SORBS3: variants seen among roughly 807,000 people sequenced by gnomAD.
The protein encoded by SORBS3 is sorbin and SH3 domain containing 3, also known as vinexin.
SORBS3 carries 69 observed loss-of-function variants against 98.0 expected under a neutral mutation model. That is an observed-to-expected ratio of 0.70 (90% CI 0.58 to 0.86). The LOEUF is 0.86. Ranked by LOEUF, SORBS3 falls within the 40% of genes least tolerant of loss-of-function variation. SORBS3 has a pLI of 0.00. For missense variants in SORBS3, 954 were observed against 908.5 expected (o/e 1.05, Z -0.64); for synonymous variants, 394 against 355.4 (o/e 1.11, Z -1.22).
At chr8:22,571,442 C>G (rs1342042086) in intron 18 of SORBS3, among the ~76,000 whole-genome samples, 2 of 152,212 alleles carry the variant, frequency 1.3e-5, no homozygotes, top group Non-Finnish European at 2.9e-5. Flanking sequence ...AAAGCCGGCC[C>G]AGGCTCCTGA....
chr8:22,566,203 C>T (rs559974217), intron 12 of SORBS3, 142 bp from the exon 13 acceptor site: 2 of 1,132,720 alleles, frequency 1.8e-6, no homozygotes, highest in Non-Finnish European at 1.2e-6. Context: ...AGTAGGACAT[C>T]CTGTGGAGAG....
At chr8:22,551,137 C>A (rs1027932608), upstream of SORBS3, among the ~76,000 whole-genome samples, 1 of 151,084 alleles carries the variant, frequency 6.6e-6, no homozygotes, top group African/African-American at 2.4e-5. The surrounding 1 kb of genome is among the most constrained non-coding windows in gnomAD (Gnocchi z 5.8). Context: ...CCAAAGGGAC[C>A]CCACCCTTAT....
At chr8:22,572,230 CA>C (rs976788296) in intron 19 of SORBS3, 109 bp from the exon 20 acceptor site, 58 of 846,268 alleles carry the variant, frequency 6.9e-5, no homozygotes, top group Non-Finnish European at 1.2e-4. Flanking sequence ...GGAGCTGGAT[CA>C]GGGGCTAGTG....
At chr8:22,569,346 GTTT>G in intron 17 of SORBS3, 73 bp downstream of exon 17, 1 of 1,094,038 alleles carries the variant, frequency 9.1e-7, no homozygotes, top group Non-Finnish European at 1.2e-6. Context: ...ACTAAAAACA[GTTT>G]TTTTTTTTTG....
In SORBS3 at chr8:22,570,896, T is replaced by C. The variant is rs370569980; in HGVS notation, c.1432-14T>C. On this transcript the variant is annotated splice_polypyrimidine_tract_variant and intron_variant, in intron 17 of 20. Transcript: ENST00000240123. ...CCAGGAAGGCCCCACAGACACTGAC[T>C]TTTCCCCCCTCAGGGAGAGCACATC... 29 of 1,574,612 alleles carry C rather than the reference T, an allele frequency of 1.8e-5. No individual in the cohort carries two copies. The South Asian group carries it at 2.6e-4, about 14-fold the overall frequency.
At chr8:22,565,501 C>T in intron 11 of SORBS3, 147 bp downstream of exon 11, 1 of 629,840 alleles carries the variant, frequency 1.6e-6, no homozygotes, top group South Asian at 5.5e-5. Context: ...CCCTCCTGGG[C>T]GCTGGCGGGC....
In SORBS3 at chr8:22,556,897, G is replaced by T. The variant is rs1840193434; in HGVS notation, c.403G>T (p.Ala135Ser). ...CGTGGACGAGAGCGGCATGCCCATT[G>T]CCCCCCGATCCGTGAGTCCAGGGCT... Reference protein sequence around the residue: ...GPVDESGMPIAPRSSVDRPRD... With the variant: ...GPVDESGMPISPRSSVDRPRD... The change falls in exon 4 of 21, where the codon GCC (alanine) becomes TCC (serine). Residue 135 changes from alanine to serine, a missense_variant. Physicochemically the swap from Ala to Ser is moderately conservative, Grantham distance 99. Coordinates refer to ENST00000240123, the MANE Select transcript of SORBS3 (RefSeq NM_005775.5). The T allele has an allele frequency of 1.2e-6, 2 of 1,612,632 alleles. No individual in the cohort carries two copies. Among genetic ancestry groups the T allele is most frequent in the African/African-American group, 2.7e-5 (2 of 74,928 alleles).
Position 22,554,322 on chromosome 8 carries a change from T to G in SORBS3, c.-55-130T>G. The G allele has an allele frequency of 7.3e-5, 70 of 959,402 alleles. No individual in the cohort carries two copies. The highest frequency in any genetic ancestry group is 8.8e-5 in the Non-Finnish European group (60 of 681,278). 59.4% of individuals were successfully genotyped at this position (959,402 alleles called of 1,614,324 possible). On this transcript the variant is annotated intron_variant, in intron 1 of 20. Transcript: ENST00000240123. The surrounding 1 kb of genome is among the most constrained non-coding windows in gnomAD (Gnocchi z 6.5). ...TGGCGTGGCCTGTTTCCTGGGTCCT[T>G]GAGCTAGTACCCAGCTGGTCCTGAC...
rs1840420896 is a variant in SORBS3 at position 22,566,384 on chromosome 8, T to C, written c.990T>C (p.Pro330=). The part of the protein sequence containing the change: ...SAWSSSYPHA[P]YLGSARSLSP... The stretch of plus-strand genomic sequence containing the variant: ...GGAGCTCCAGCTACCCACATGCACC[T>C]TACCTGGGTTCCGCCCGGTCCCTGA... The change falls in exon 13 of 21, where the codon CCT becomes CCC. Residue 330 remains proline (P), a synonymous_variant. Transcript: ENST00000240123. 2 of 1,613,908 alleles carry C rather than the reference T, an allele frequency of 1.2e-6. No homozygotes were observed. The highest frequency in any genetic ancestry group is 1.7e-5 in the Admixed American group (1 of 60,002).
chr8:22,574,243 C>T (rs1304831572), intron 20 of SORBS3, among the ~76,000 whole-genome samples: 1 of 152,212 alleles, frequency 6.6e-6, no homozygotes, highest in African/African-American at 2.4e-5. Flanking sequence ...CCCAAGCTTA[C>T]TCCTAAGCGT....
At chr8:22,555,554 C>T (rs1192136557) in intron 3 of SORBS3, among the ~76,000 whole-genome samples, 1 of 150,804 alleles carries the variant, frequency 6.6e-6, no homozygotes, top group Non-Finnish European at 1.5e-5. Flanking sequence ...AAGACCCTGT[C>T]TCTATCAGCC....
At position 22,556,869 on chromosome 8, in the gene SORBS3, G is replaced by A. The variant is rs575294896; in HGVS notation, c.375G>A (p.Gly125=). 8 of 1,613,358 alleles carry A rather than the reference G, an allele frequency of 5.0e-6. No individual in the cohort carries two copies. In the South Asian group the frequency reaches 7.7e-5, roughly 15 times the overall value. The change falls in exon 4 of 21, where the codon GGG becomes GGA. Residue 125 remains glycine (G), a synonymous_variant. Transcript: ENST00000240123. ...DKRWVKYEGI[G]PVDESGMPIA... ...GCTGGGTCAAGTACGAGGGAATCGG[G>A]CCCGTGGACGAGAGCGGCATGCCCA... is the stretch of plus-strand genomic sequence containing the variant.
In SORBS3 at chr8:22,571,232, C is replaced by T; in HGVS notation, c.1743+11C>T. Reference sequence around the variant, plus strand: ...AGACCCCAGACCCAGGTGAGGTAGCCTGCCTCCACCAGAGAGTCGACCTCC... The same window carrying T: ...AGACCCCAGACCCAGGTGAGGTAGCTTGCCTCCACCAGAGAGTCGACCTCC... On this transcript the variant is annotated intron_variant, in intron 18 of 20. Transcript: ENST00000240123. The T allele has an allele frequency of 6.6e-7, 1 of 1,514,118 alleles. No individual in the cohort carries two copies. Among genetic ancestry groups the T allele is most frequent in the Non-Finnish European group, 8.8e-7 (1 of 1,131,000 alleles). The allele number at this position is 1,514,118 out of a possible 1,614,324, so 93.8% of individuals were successfully genotyped here. A position where few individuals can be genotyped will look rare whatever the true frequency, so the allele number is the denominator to read the frequency against.
chr8:22,568,999 G>T, intron 16 of SORBS3, 149 bp from the exon 17 acceptor site: 5 of 720,614 alleles, frequency 6.9e-6, no homozygotes, highest in Non-Finnish European at 1.0e-5. Flanking sequence ...GTGCCCACCC[G>T]TGGCTGCCCC....
At position 22,575,228 on chromosome 8, in the gene SORBS3, G is replaced by C. The variant is rs367730865; in HGVS notation, c.*500G>C. The stretch of plus-strand genomic sequence containing the variant: ...TCTGGCCTCCAGCTGGGTGTGGGGG[G>C]GCGGAGCAAGGCGGGGGACAGACGC... On this transcript the variant is annotated 3_prime_UTR_variant, in exon 21 of 21. Transcript: ENST00000240123. 6.6e-5 allele frequency: 21 copies of C among 318,062 alleles called. No homozygotes were observed. In the East Asian group the frequency reaches 1.4e-3, roughly 21 times the overall value. The allele number at this position is 318,062 out of a possible 1,614,324, so 19.7% of individuals were successfully genotyped here.
chr8:22,552,781 A>G (rs1470769937), intron 1 of SORBS3, among the ~76,000 whole-genome samples: 1 of 152,222 alleles, frequency 6.6e-6, no homozygotes, highest in East Asian at 1.9e-4. Flanking sequence ...GACCAGCTCC[A>G]GGTCTCCTGA....
upstream of SORBS3, chr8:22,551,577 T>C (rs192398424): frequency 0.013 from 2,908 of 224,764 alleles, 110 homozygotes; most frequent in African/African-American, 0.064. The surrounding 1 kb of genome is among the most constrained non-coding windows in gnomAD (Gnocchi z 5.8). Context: ...AGCCCTGCGG[T>C]AGGGGCCGGG....
At chr8:22,552,525 G>A (rs1406886339) in intron 1 of SORBS3, among the ~76,000 whole-genome samples, 1 of 152,204 alleles carries the variant, frequency 6.6e-6, no homozygotes, top group Non-Finnish European at 1.5e-5. Context: ...TGTGGTGGGG[G>A]GCGACACAAG....
Position 22,573,517 on chromosome 8 carries a change from G to C in SORBS3, c.1954+1071G>C, listed in dbSNP as rs1386211823. ...CCTCAGTTGCACAGGCACATCTCAA[G>C]TGCCCAACAGCCACAGGTGGCGAGT... On this transcript the variant is annotated intron_variant, in intron 20 of 20. Transcript: ENST00000240123. The C allele has an allele frequency of 7.0e-6, 3 of 430,448 alleles. 1 individual carries two copies. The highest frequency in any genetic ancestry group is 4.9e-5 in the South Asian group (3 of 61,600). 26.7% of individuals were successfully genotyped at this position (430,448 alleles called of 1,614,324 possible). A position where few individuals can be genotyped will look rare whatever the true frequency, so the allele number is the denominator to read the frequency against.
Sources: allele counts gnomAD v4.1 joint callset (sites outside exome capture counted in the v4.1 genomes callset), GRCh38; gene constraint gnomAD v4.1.1; non-coding constraint Gnocchi (gnomAD v3.1); transcripts MANE v1.5; gene names NCBI Gene and HGNC (gene_info 2026-07-23, HGNC 2026-07-21).